Variants in UGT1A10 observed in about 807,000 individuals in gnomAD.
The protein encoded by UGT1A10 is UDP-glucuronosyltransferase 1A10.
Under a neutral mutation model 45.8 loss-of-function variants are expected in UGT1A10, and 49 were observed. The observed-to-expected ratio is 1.07, with a 90% confidence interval of 0.85 to 1.36. The LOEUF is 1.36. Ranked by LOEUF, UGT1A10 falls within the 40% of genes most tolerant of loss-of-function variation. The pLI is 0.00. For missense variants in UGT1A10, 745 were observed against 668.6 expected (o/e 1.11, Z -1.26); for synonymous variants, 284 against 249.7 (o/e 1.14, Z -1.29).
chr2:233,763,534 C>A (rs545430015), intron 1 of UGT1A10, among the ~76,000 whole-genome samples: 1 of 152,066 alleles, frequency 6.6e-6, no homozygotes, highest in Non-Finnish European at 1.5e-5. Flanking sequence ...CTCCTTTTTC[C>A]GGATTTCTAC....
intron 1 of UGT1A10, among the ~76,000 whole-genome samples, chr2:233,714,305 A>G (rs1432172867): frequency 6.6e-6 from 1 of 152,218 alleles, no homozygotes; most frequent in East Asian, 1.9e-4. Context: ...CTTGCAAAAG[A>G]TAGAGAGGTG....
intron 1 of UGT1A10, among the ~76,000 whole-genome samples, chr2:233,661,623 TTTTCTTTCTTTC>T (rs55749169): frequency 0.021 from 2,594 of 124,016 alleles, 49 homozygotes; most frequent in Admixed American, 0.062. Flanking sequence ...ACTTACTGAA[TTTTCTTTCTTTC>T]TTTCTTTCTT....
intron 1 of UGT1A10, chr2:233,721,540 A>T (rs10929293): frequency 0.087 from 14,555 of 166,976 alleles, 833 homozygotes; most frequent in East Asian, 0.2. Context: ...CCATAGGTAA[A>T]TTTTTTCTTC....
rs1489757510 is a variant in UGT1A10, at chr2:233,637,113, C to A, written c.591C>A (p.Phe197Leu). Residue 197 changes from phenylalanine to leucine, a missense_variant, in exon 1 of 5, where the codon TTC becomes TTA. Physicochemically the swap from Phe to Leu is conservative, Grantham distance 22 (BLOSUM62 0). Coordinates refer to ENST00000344644, the MANE Select transcript of UGT1A10 (RefSeq NM_019075.4). ...ATGTCCCCAATGATCTCTTAGGGTT[C>A]TCAGATGCCATGACTTTCAAGGAGA... ...LSYVPNDLLG[F>L]SDAMTFKERV... The A allele has an allele frequency of 1.9e-6, 3 of 1,613,838 alleles. No individual in the cohort carries two copies. The highest frequency in any genetic ancestry group is 2.5e-6 in the Non-Finnish European group (3 of 1,179,882).
intron 1 of UGT1A10, chr2:233,693,123 T>G: frequency 6.2e-7 from 1 of 1,614,176 alleles, no homozygotes; most frequent in Non-Finnish European, 8.5e-7. Context: ...AGCCACTGGC[T>G]TAGTATGAAG....
chr2:233,764,139 C>T (rs911077141), intron 1 of UGT1A10, among the ~76,000 whole-genome samples: 4 of 152,156 alleles, frequency 2.6e-5, no homozygotes, highest in Admixed American at 1.3e-4. Context: ...TGTTAAATGT[C>T]TCATTTTGGC....
intron 1 of UGT1A10, among the ~76,000 whole-genome samples, chr2:233,695,064 C>G (rs576556742): frequency 9.2e-5 from 14 of 152,068 alleles, no homozygotes; most frequent in Non-Finnish European, 2.1e-4. Context: ...ACTGTGCTAT[C>G]GCACTTTGGA....
At chr2:233,738,796 A>G (rs1559382708) in intron 1 of UGT1A10, among the ~76,000 whole-genome samples, 1 of 152,236 alleles carries the variant, frequency 6.6e-6, no homozygotes, top group Admixed American at 6.5e-5. Flanking sequence ...CAGATGCAGA[A>G]ATACTAGCTA....
intron 1 of UGT1A10, chr2:233,648,435 G>A: frequency 1.9e-5 from 3 of 160,796 alleles, no homozygotes; most frequent in Non-Finnish European, 4.1e-5. Flanking sequence ...CGGATGCTGT[G>A]ACTTTTTATT....
intron 1 of UGT1A10, among the ~76,000 whole-genome samples, chr2:233,684,471 G>T (rs4261716): frequency 0.39 from 59,169 of 151,958 alleles, 11,710 homozygotes; most frequent in South Asian, 0.45. Context: ...TGCTGAGTTT[G>T]TTGTGGCTCA....
At chr2:233,733,541 C>T (rs1172335855) in intron 1 of UGT1A10, among the ~76,000 whole-genome samples, 2 of 152,150 alleles carry the variant, frequency 1.3e-5, no homozygotes, top group Non-Finnish European at 2.9e-5. Context: ...TTGTTGAAGG[C>T]CTTTTCTGCA....
rs544005700 is a variant in UGT1A10 at position 233,647,279 on chromosome 2, T to C, written c.855+9902T>C. Among the ~76,000 whole-genome samples the C allele has an allele frequency of 2.0e-5, 3 of 152,324 alleles. No homozygotes were observed. In the East Asian group the frequency reaches 5.8e-4, roughly 29 times the overall value. On this transcript the variant is annotated intron_variant, in intron 1 of 4. Transcript: ENST00000344644. Reference sequence around the variant, plus strand: ...GGGACACAGCCAAACCATATCATTATTGAATTTGATTTGCTGAAATATTGT... The same window carrying C: ...GGGACACAGCCAAACCATATCATTACTGAATTTGATTTGCTGAAATATTGT...
At position 233,760,496 on chromosome 2, in the gene UGT1A10, A is replaced by G. The variant is rs766949747; in HGVS notation, c.856-6538A>G. ...CCTGACGCCTCGTTGTACATCAGAG[A>G]CGGAGCATTTTACACCTTGAAGACG... On this transcript the variant is annotated intron_variant, in intron 1 of 4. Transcript: ENST00000344644. 4 of 1,614,258 alleles carry G rather than the reference A, an allele frequency of 2.5e-6. No homozygotes were observed. The South Asian group carries it at 4.4e-5, about 18-fold the overall frequency.
intron 1 of UGT1A10, among the ~76,000 whole-genome samples, chr2:233,732,815 A>C (rs1359476181): frequency 7.1e-6 from 1 of 140,410 alleles, no homozygotes; most frequent in African/African-American, 2.7e-5. Context: ...TTGATTCCAT[A>C]TGAACTTTAA....
chr2:233,769,846 A>T lies in UGT1A10; in HGVS notation c.1295+1407A>T. 5.9e-6 allele frequency: 3 copies of T among 506,296 alleles called. No individual in the cohort carries two copies. Among genetic ancestry groups the T allele is most frequent in the African/African-American group, 2.0e-5 (1 of 49,168 alleles). The allele number at this position is 506,296 out of a possible 1,614,324, so 31.4% of individuals were successfully genotyped here. ...CTCCAGCAACCTGGGCAACAGAGTG[A>T]GACCCTGTCTCAAAAAAAAAAAAAA... On this transcript the variant is annotated intron_variant, in intron 4 of 4. Coordinates refer to ENST00000344644, the MANE Select transcript of UGT1A10 (RefSeq NM_019075.4). The surrounding 1 kb of genome is among the most constrained non-coding windows in gnomAD (Gnocchi z 4.4).
chr2:233,751,263 C>A (rs1694683349), intron 1 of UGT1A10, among the ~76,000 whole-genome samples: 1 of 151,922 alleles, frequency 6.6e-6, no homozygotes, highest in African/African-American at 2.4e-5. Context: ...CCTGTAGCCC[C>A]CTTTTTTTGG....
intron 1 of UGT1A10, among the ~76,000 whole-genome samples, chr2:233,695,634 C>T (rs1162944712): frequency 6.6e-6 from 1 of 152,010 alleles, no homozygotes; most frequent in Non-Finnish European, 1.5e-5. Flanking sequence ...CCATGAGACC[C>T]ACTTTTTTAG....
chr2:233,709,006 A>G (rs2076051981), intron 1 of UGT1A10, among the ~76,000 whole-genome samples: 1 of 152,104 alleles, frequency 6.6e-6, no homozygotes, highest in African/African-American at 2.4e-5. Flanking sequence ...TCTCAGTGTC[A>G]TAATACCCAA....
intron 1 of UGT1A10, among the ~76,000 whole-genome samples, chr2:233,757,184 G>A (rs1386483916): frequency 6.6e-6 from 1 of 151,202 alleles, no homozygotes; most frequent in Non-Finnish European, 1.5e-5. Context: ...CAAGGCAGAG[G>A]ACTCTGAATT....
Sources: allele counts gnomAD v4.1 joint callset (sites outside exome capture counted in the v4.1 genomes callset), GRCh38; gene constraint gnomAD v4.1.1; non-coding constraint Gnocchi (gnomAD v3.1); transcripts MANE v1.5; gene names NCBI Gene and HGNC (gene_info 2026-07-23, HGNC 2026-07-21).